Variants in ECHDC1 observed in about 807,000 individuals in gnomAD.
ECHDC1 encodes ethylmalonyl-CoA decarboxylase.
ECHDC1 carries 29 observed loss-of-function variants against 29.7 expected under a neutral mutation model. The observed-to-expected ratio is 0.98, with a 90% CI of 0.73 to 1.33. The LOEUF (loss-of-function observed/expected upper bound fraction) is 1.33, where lower values mean the gene tolerates loss of function less well. Among genes scored for constraint, ECHDC1 ranks in the 40% most tolerant of loss-of-function variants. The pLI is 0.00. For synonymous variants in ECHDC1, 126 were observed against 123.1 expected (o/e 1.02, Z -0.15); for missense variants, 328 against 350.0 (o/e 0.94, Z 0.50).
chr6:127,320,656 T>C (rs1782760545), intron 3 of ECHDC1, among the ~76,000 whole-genome samples: 1 of 152,216 alleles, frequency 6.6e-6, no homozygotes, highest in African/African-American at 2.4e-5. Flanking sequence ...CTACAGGACA[T>C]CTGTGGCATC....
intron 2 of ECHDC1, among the ~76,000 whole-genome samples, chr6:127,329,395 T>C (rs998812261): frequency 6.6e-6 from 1 of 152,178 alleles, no homozygotes; most frequent in Non-Finnish European, 1.5e-5. Flanking sequence ...GAATAAAAAA[T>C]TATTTGTAAC....
chr6:127,328,943 C>T (rs763446121), intron 2 of ECHDC1, among the ~76,000 whole-genome samples: 9 of 152,028 alleles, frequency 5.9e-5, no homozygotes, highest in East Asian at 3.9e-4. Flanking sequence ...AGGAGAATGG[C>T]GTAAACCCGG....
At chr6:127,328,382 T>G (rs568459785) in intron 2 of ECHDC1, among the ~76,000 whole-genome samples, 1 of 152,340 alleles carries the variant, frequency 6.6e-6, no homozygotes, top group East Asian at 1.9e-4. Context: ...CCTATAGTAT[T>G]CAGGAAGTAA....
chr6:127,311,699 G>A (rs28659826), intron 5 of ECHDC1, among the ~76,000 whole-genome samples: 4,822 of 54,586 alleles, frequency 0.088, no homozygotes, highest in Middle Eastern at 0.25. Context: ...AAAAAAAAAA[G>A]AAAAGAAAAA....
At chr6:127,323,150 T>G (rs536699057) in intron 3 of ECHDC1, among the ~76,000 whole-genome samples, 43 of 152,080 alleles carry the variant, frequency 2.8e-4, no homozygotes, top group Admixed American at 2.8e-3. Context: ...TTGTTTAGAG[T>G]TGGGTTCCAT....
At chr6:127,331,889 A>G in intron 1 of ECHDC1, 2 of 985,334 alleles carry the variant, frequency 2.0e-6, no homozygotes, top group Non-Finnish European at 2.4e-6. Context: ...GGGGAGGGAA[A>G]TAGGAATGTG....
At chr6:127,313,787 C>T (rs1476624422) in intron 5 of ECHDC1, among the ~76,000 whole-genome samples, 2 of 152,168 alleles carry the variant, frequency 1.3e-5, no homozygotes, top group East Asian at 3.9e-4. Context: ...TGGTAAGAGA[C>T]AGTTGTATAA....
In ECHDC1 at chr6:127,331,856, C is replaced by G. The variant is rs1783987105; in HGVS notation, c.-2-826G>C. The G allele has an allele frequency of 3.3e-5, 33 of 985,330 alleles. 1 individual carries two copies. In the South Asian group the frequency reaches 1.5e-3, roughly 45 times the overall value. The allele number at this position is 985,330 out of a possible 1,614,324, so 61.0% of individuals were successfully genotyped here. On this transcript the variant is annotated intron_variant, in intron 1 of 5. Coordinates refer to ENST00000454859, the MANE Select transcript of ECHDC1 (RefSeq NM_001002030.2). Reference sequence around the variant, plus strand: ...TTCTGCAAAGCTTTCAGGCAAAAAGCTGGAAAGGGTCCTAAGAAAAATGGG... The same window carrying G: ...TTCTGCAAAGCTTTCAGGCAAAAAGGTGGAAAGGGTCCTAAGAAAAATGGG...
chr6:127,329,155 G>A lies in ECHDC1; in HGVS notation c.220+1654C>T, dbSNP rs550474692. 4.6e-5 allele frequency among the ~76,000 whole-genome samples: 7 copies of A among 151,900 alleles called. No homozygotes were observed. In the East Asian group the frequency reaches 5.8e-4, roughly 13 times the overall value. On this transcript the variant is annotated intron_variant, in intron 2 of 5. Coordinates refer to ENST00000454859, the MANE Select transcript of ECHDC1 (RefSeq NM_001002030.2). ...CCTATGATGCTGAAATGCTGGCCATGAGAATAAGAAAAATCCATACCAGTA... is the reference window on the plus strand; with the variant it reads ...CCTATGATGCTGAAATGCTGGCCATAAGAATAAGAAAAATCCATACCAGTA...
chr6:127,299,272 A>G lies in ECHDC1; in HGVS notation c.498-8995T>C, dbSNP rs190770745. On this transcript the variant is annotated intron_variant, in intron 5 of 5. Transcript: ENST00000454859. ...TTCAGGAGGAATTCCAGAAGACAGC[A>G]TTATTATCATAGGAGATCACAGCTC... Among the ~76,000 whole-genome samples, 531 of 152,222 alleles carry G rather than the reference A, an allele frequency of 3.5e-3. 4 individuals carry two copies. Among genetic ancestry groups the G allele is most frequent in the African/African-American group, 0.012 (490 of 41,554 alleles).
intron 5 of ECHDC1, among the ~76,000 whole-genome samples, chr6:127,298,261 TTCTC>T (rs1206849965): frequency 6.6e-6 from 1 of 152,188 alleles, no homozygotes; most frequent in South Asian, 2.1e-4. Flanking sequence ...CAATTCCAGT[TTCTC>T]TCTCACACCA....
rs1582977149 is a variant in ECHDC1, at chr6:127,319,651, G to T, written c.364-3149C>A. Among the ~76,000 whole-genome samples, 10 of 152,310 alleles carry T rather than the reference G, an allele frequency of 6.6e-5. No homozygotes were observed. In the South Asian group the frequency reaches 2.1e-3, roughly 32 times the overall value. On this transcript the variant is annotated intron_variant, in intron 3 of 5. Transcript: ENST00000454859. ...GTAAGAGATATCTGTGATAGAGTAA[G>T]CTGTGGGTGAGGAACCAGTAAAAAG...
Position 127,289,803 on chromosome 6 carries a change from T to C in ECHDC1, c.*66A>G. On this transcript the variant is annotated 3_prime_UTR_variant, in exon 6 of 6. Coordinates refer to ENST00000454859, the MANE Select transcript of ECHDC1 (RefSeq NM_001002030.2). Reference sequence around the variant, plus strand: ...GTAATTCTGATGTTCATATTTAATATCATTTAACATTTATACATATTAGTC... The same window carrying C: ...GTAATTCTGATGTTCATATTTAATACCATTTAACATTTATACATATTAGTC... The C allele has an allele frequency of 7.1e-7, 1 of 1,412,482 alleles. No homozygotes were observed. Among genetic ancestry groups the C allele is most frequent in the Non-Finnish European group, 9.5e-7 (1 of 1,047,706 alleles). 87.5% of individuals were successfully genotyped at this position (1,412,482 alleles called of 1,614,324 possible).
At chr6:127,308,024 C>T (rs1343573666) in intron 5 of ECHDC1, among the ~76,000 whole-genome samples, 1 of 151,948 alleles carries the variant, frequency 6.6e-6, no homozygotes. Context: ...AAAGAAAAGC[C>T]CAGGATGCAA....
At chr6:127,341,409 T>A (rs959563684) in intron 1 of ECHDC1, among the ~76,000 whole-genome samples, 1 of 152,240 alleles carries the variant, frequency 6.6e-6, no homozygotes, top group Non-Finnish European at 1.5e-5. Flanking sequence ...TCTAATAGTA[T>A]AAAGTGAACA....
chr6:127,316,894 T>TAA (rs34262558), intron 3 of ECHDC1, among the ~76,000 whole-genome samples: 1 of 151,978 alleles, frequency 6.6e-6, no homozygotes, highest in Non-Finnish European at 1.5e-5. Flanking sequence ...CTTTGATTTT[T>TAA]AAAAAAATAT....
At chr6:127,310,351 C>T (rs1781804673) in intron 5 of ECHDC1, among the ~76,000 whole-genome samples, 1 of 151,628 alleles carries the variant, frequency 6.6e-6, no homozygotes. Flanking sequence ...CTCATGTACC[C>T]CATAAATATA....
chr6:127,294,952 AT>A (rs796132032), intron 5 of ECHDC1, among the ~76,000 whole-genome samples: 2,632 of 142,756 alleles, frequency 0.018, 16 homozygotes, highest in Non-Finnish European at 0.023. Context: ...TGAAGCCAGT[AT>A]TTTTTTTTTT....
Position 127,288,941 on chromosome 6 carries a change from T to A in ECHDC1, c.*928A>T, listed in dbSNP as rs978043492. The A allele has an allele frequency of 3.3e-5, 5 of 152,110 alleles. No homozygotes were observed. Among genetic ancestry groups the A allele is most frequent in the Non-Finnish European group, 7.4e-5 (5 of 67,990 alleles). 9.4% of individuals were successfully genotyped at this position (152,110 alleles called of 1,614,324 possible). The stretch of plus-strand genomic sequence containing the variant: ...GTTACAGTAGCAAATACTTTTGACC[T>A]CTTGTGATGAGTCAGAACTAGAACT... On this transcript the variant is annotated 3_prime_UTR_variant, in exon 6 of 6. Coordinates refer to ENST00000454859, the MANE Select transcript of ECHDC1 (RefSeq NM_001002030.2).
Sources: gnomAD v4.1 joint callset for allele counts (sites outside exome capture counted in the v4.1 genomes callset) on GRCh38, gnomAD v4.1.1 for gene constraint, MANE v1.5 for transcripts, NCBI Gene and HGNC (gene_info 2026-07-23, HGNC 2026-07-21) for gene names.